MXD1: variants seen among roughly 807,000 people sequenced by gnomAD.
MXD1 encodes the protein MAX dimerization protein 1, also known as MAX-binding protein.
A neutral mutation model predicts 25.7 loss-of-function variants in MXD1; 9 were observed. The observed-to-expected ratio is 0.35, with a 90% CI of 0.21 to 0.61. MXD1 has a LOEUF of 0.61. MXD1 is among the 20% of genes least tolerant of loss of function. MXD1 has a pLI of 0.75. For synonymous variants in MXD1, 99 were observed against 113.9 expected, an observed-to-expected ratio of 0.87 and a Z score of 0.83; for missense variants, 227 against 292.4, an observed-to-expected ratio of 0.78 and a Z score of 1.63.
chr2:69,937,895 T>G (rs1677493435), intron 5 of MXD1, among the ~76,000 whole-genome samples: 1 of 152,184 alleles, frequency 6.6e-6, no homozygotes, highest in South Asian at 2.1e-4. Flanking sequence ...ATTACAGGCG[T>G]GAGCCACCAC....
At position 69,939,593 on chromosome 2, in the gene MXD1, A is replaced by C. The variant is rs1282399010; in HGVS notation, c.*1309A>C. ...CTTTGTGGTTTTATAGATGTTCTAG[A>C]AACTTTGTATGTAGGTATCTACAAA... On this transcript the variant is annotated 3_prime_UTR_variant, in exon 6 of 6. Transcript: ENST00000264444. The C allele has an allele frequency of 6.5e-6, 1 of 152,686 alleles. No homozygotes were observed. The highest frequency in any genetic ancestry group is 2.4e-5 in the African/African-American group (1 of 41,466). 9.5% of individuals were successfully genotyped at this position (152,686 alleles called of 1,614,324 possible). A position where few individuals can be genotyped will look rare whatever the true frequency, so the allele number is the denominator to read the frequency against.
In MXD1 at chr2:69,936,385, G is replaced by A. The variant is rs141786323; in HGVS notation, c.319-850G>A. Among the ~76,000 whole-genome samples, 80 of 152,210 alleles carry A rather than the reference G, an allele frequency of 5.3e-4. No individual in the cohort carries two copies. In the Middle Eastern group the frequency reaches 0.014, roughly 26 times the overall value. Reference sequence around the variant, plus strand: ...CACCTCACAGCCCCAGCACCTCCTAGGGTATCGGGCACAGAGTTGACACTC... The same window carrying A: ...CACCTCACAGCCCCAGCACCTCCTAAGGTATCGGGCACAGAGTTGACACTC... On this transcript the variant is annotated intron_variant, in intron 4 of 5. Coordinates refer to ENST00000264444, the MANE Select transcript of MXD1 (RefSeq NM_002357.4).
intron 4 of MXD1, among the ~76,000 whole-genome samples, chr2:69,936,806 C>T (rs754156940): frequency 6.6e-6 from 1 of 152,168 alleles, no homozygotes; most frequent in Non-Finnish European, 1.5e-5. Context: ...GTAATTGGGA[C>T]ATGTACTTGA....
intron 3 of MXD1, among the ~76,000 whole-genome samples, chr2:69,931,633 A>AC (rs1677287264): frequency 6.6e-6 from 1 of 152,246 alleles, no homozygotes; most frequent in Non-Finnish European, 1.5e-5. Flanking sequence ...TTTTAAAAAA[A>AC]TTAAAAATCA....
Position 69,921,917 on chromosome 2 carries a change from A to G in MXD1, c.203+152A>G, listed in dbSNP as rs898932991. 1.3e-5 allele frequency: 9 copies of G among 675,350 alleles called. No individual in the cohort carries two copies. In the African/African-American group the frequency reaches 1.5e-4, roughly 11 times the overall value. The allele number at this position is 675,350 out of a possible 1,614,324, so 41.8% of individuals were successfully genotyped here. A position where few individuals can be genotyped will look rare whatever the true frequency, so the allele number is the denominator to read the frequency against. ...GCCCTCTAAGCAGCATCGCTCATAA[A>G]TTACTTAGGTAGATGTAGAGCTTGC... On this transcript the variant is annotated intron_variant, in intron 3 of 5. Transcript: ENST00000264444.
intron 3 of MXD1, among the ~76,000 whole-genome samples, chr2:69,933,494 G>A (rs1320772145): frequency 9.3e-6 from 1 of 107,596 alleles, no homozygotes. Flanking sequence ...CAGAAGAAGT[G>A]AAAGACTTAC....
intron 3 of MXD1, among the ~76,000 whole-genome samples, chr2:69,929,373 T>C (rs909212478): frequency 1.1e-4 from 17 of 152,236 alleles, no homozygotes; most frequent in African/African-American, 3.9e-4. Flanking sequence ...GATAGCACCA[T>C]CTACCTAATA....
At position 69,938,113 on chromosome 2, in the gene MXD1, C is replaced by T. The variant is rs376761809; in HGVS notation, c.495C>T (p.Asp165=). ...TCCCTGCAGAAGAAATCGACGTTGACGTGGAGAGCACGGACTATCTCACAG... is the reference window on the plus strand; with the variant it reads ...TCCCTGCAGAAGAAATCGACGTTGATGTGGAGAGCACGGACTATCTCACAG... ...SDSDREEIDV[D]VESTDYLTGD... The change falls in exon 6 of 6, where the codon GAC becomes GAT. Residue 165 remains aspartate, a synonymous_variant. Transcript: ENST00000264444. 30 of 1,614,048 alleles carry T rather than the reference C, an allele frequency of 1.9e-5. No individual in the cohort carries two copies. The highest frequency in any genetic ancestry group is 1.6e-4 in the African/African-American group (12 of 75,056).
intron 3 of MXD1, among the ~76,000 whole-genome samples, 199 bp from the exon 4 acceptor site, chr2:69,935,152 G>A (rs947023162): frequency 9.9e-5 from 15 of 152,138 alleles, no homozygotes; most frequent in African/African-American, 2.9e-4. Context: ...ACTTAGCTTC[G>A]AAAACCTTGG....
intron 5 of MXD1, 30 bp from the exon 6 acceptor site, chr2:69,938,067 C>T: frequency 6.2e-7 from 1 of 1,605,386 alleles, no homozygotes; most frequent in Non-Finnish European, 8.5e-7. Flanking sequence ...GCGCTTTCAT[C>T]AATGTCCTTC....
intron 5 of MXD1, among the ~76,000 whole-genome samples, chr2:69,937,678 G>C (rs1261262696): frequency 7.9e-5 from 12 of 152,150 alleles, no homozygotes; most frequent in Admixed American, 7.9e-4. Flanking sequence ...GCAGTGGTGT[G>C]ATCTTGGCTC....
chr2:69,935,259 G>A, intron 3 of MXD1, 92 bp from the exon 4 acceptor site: 2 of 872,536 alleles, frequency 2.3e-6, no homozygotes, highest in Admixed American at 3.9e-5. Context: ...CAAGGCCTGG[G>A]CAACTTCACA....
chr2:69,916,989 G>C (rs1269144704), intron 2 of MXD1, among the ~76,000 whole-genome samples: 1 of 151,956 alleles, frequency 6.6e-6, no homozygotes, highest in African/African-American at 2.4e-5. Context: ...CCCCTTCTTT[G>C]CCCTTAAAAT....
At chr2:69,923,109 C>T (rs1416154968) in intron 3 of MXD1, among the ~76,000 whole-genome samples, 1 of 150,392 alleles carries the variant, frequency 6.6e-6, no homozygotes, top group Non-Finnish European at 1.5e-5. Flanking sequence ...TTTTACCATA[C>T]TGAAAAAAAT....
chr2:69,921,904 G>A, intron 3 of MXD1, 139 bp downstream of exon 3: 1 of 733,404 alleles, frequency 1.4e-6, no homozygotes, highest in Non-Finnish European at 2.2e-6. Flanking sequence ...CCTCTAAGCA[G>A]CATCGCTCAT....
intron 3 of MXD1, among the ~76,000 whole-genome samples, chr2:69,925,841 A>T (rs931576504): frequency 3.9e-5 from 6 of 152,170 alleles, no homozygotes; most frequent in African/African-American, 1.4e-4. Context: ...CGTTTTTAGG[A>T]TTGCTGGATT....
At chr2:69,923,094 C>T (rs1208504218) in intron 3 of MXD1, among the ~76,000 whole-genome samples, 2 of 149,088 alleles carry the variant, frequency 1.3e-5, no homozygotes, top group Admixed American at 6.7e-5. Context: ...AAAAAAACCA[C>T]TTGCTTTTAC....
chr2:69,928,452 A>G (rs2104184683), intron 3 of MXD1, among the ~76,000 whole-genome samples: 1 of 152,310 alleles, frequency 6.6e-6, no homozygotes, highest in East Asian at 1.9e-4. Flanking sequence ...GAGAGCTGAT[A>G]TCTATCAGGG....
Position 69,935,370 on chromosome 2 carries a change from T to G in MXD1, c.223T>G (p.Cys75Gly), listed in dbSNP as rs1159073786. The change falls in exon 4 of 6, where the codon TGC becomes GGC. Residue 75 changes from cysteine to glycine, a missense_variant. Coordinates refer to ENST00000264444, the MANE Select transcript of MXD1 (RefSeq NM_002357.4). Reference sequence around the variant, plus strand: ...TCATAGACGGGCTCATCTTCGCTTGTGCCTGGAGAAGTTGAAGGGGCTGGT... The same window carrying G: ...TCATAGACGGGCTCATCTTCGCTTGGGCCTGGAGAAGTTGAAGGGGCTGGT... ...EKNRRAHLRL[C>G]LEKLKGLVPL... 1.9e-6 allele frequency: 3 copies of G among 1,613,896 alleles called. No homozygotes were observed. The highest frequency in any genetic ancestry group is 2.5e-6 in the Non-Finnish European group (3 of 1,179,790).
Sources: gnomAD v4.1 joint callset for allele counts (sites outside exome capture counted in the v4.1 genomes callset) on GRCh38, gnomAD v4.1.1 for gene constraint, MANE v1.5 for transcripts, NCBI Gene and HGNC (gene_info 2026-07-23, HGNC 2026-07-21) for gene names.